Variants in E2F7 observed in about 807,000 individuals in gnomAD.
The protein encoded by E2F7 is transcription factor E2F7.
In E2F7, 35 loss-of-function variants were observed where a neutral mutation model predicts 81.1. The ratio of observed to expected loss-of-function variants is 0.43; its 90% CI spans 0.33 to 0.57. The LOEUF (loss-of-function observed/expected upper bound fraction) is 0.57, where lower values mean the gene tolerates loss of function less well. Among genes scored for constraint, E2F7 ranks in the 20% least tolerant of loss-of-function variants. The pLI is 0.04. For synonymous variants in E2F7, 416 were observed against 416.2 expected (o/e 1.00, Z 0.01); for missense variants, 961 against 1,093.7 (o/e 0.88, Z 1.71).
In E2F7 at chr12:77,035,030, T is replaced by A. The variant is rs1181798939; in HGVS notation, c.1124-988A>T. Among the ~76,000 whole-genome samples, 3 of 152,168 alleles carry A rather than the reference T, an allele frequency of 2.0e-5. No homozygotes were observed. In the East Asian group the frequency reaches 5.8e-4, roughly 29 times the overall value. On this transcript the variant is annotated intron_variant, in intron 7 of 12. Coordinates refer to ENST00000322886, the MANE Select transcript of E2F7 (RefSeq NM_203394.3). ...GAAACAAAATATTGGACATAATGCA[T>A]AAAACTGTGGCTCTCAACACATTTG...
chr12:77,033,216 T>C, intron 8 of E2F7, 94 bp from the exon 9 acceptor site: 1 of 1,174,590 alleles, frequency 8.5e-7, no homozygotes, highest in South Asian at 1.5e-5. Context: ...TTCATTATTC[T>C]CAGCTCAAAG....
rs1277176891 is a variant in E2F7, at chr12:77,023,780, A to G, written c.*235T>C. On this transcript the variant is annotated 3_prime_UTR_variant, in exon 13 of 13. Transcript: ENST00000322886. ...AGACGATTCTTGAATCAAAACCATA[A>G]GTCAGTCGGCGCTTTCACTGTGACA... 2.1e-6 allele frequency: 1 copy of G among 481,688 alleles called. No homozygotes were observed. The highest frequency in any genetic ancestry group is 3.6e-6 in the Non-Finnish European group (1 of 275,776). The allele number at this position is 481,688 out of a possible 1,614,324, so 29.8% of individuals were successfully genotyped here.
intron 7 of E2F7, among the ~76,000 whole-genome samples, chr12:77,038,116 GCAGA>G (rs747479100): frequency 1.3e-5 from 2 of 152,134 alleles, no homozygotes; most frequent in Non-Finnish European, 2.9e-5. Context: ...AAATATTTAT[GCAGA>G]CAGAGTTCAT....
At chr12:77,053,005 T>C (rs1271561804) in intron 3 of E2F7, among the ~76,000 whole-genome samples, 1 of 152,138 alleles carries the variant, frequency 6.6e-6, no homozygotes, top group Non-Finnish European at 1.5e-5. Context: ...AATTACTAAA[T>C]TTGACAATTT....
At chr12:77,030,639 C>G (rs183864766) in intron 9 of E2F7, among the ~76,000 whole-genome samples, 12 of 152,304 alleles carry the variant, frequency 7.9e-5, no homozygotes, top group Admixed American at 2.0e-4. Flanking sequence ...AGCACTTACA[C>G]CCTTGCCAGG....
chr12:77,046,451 G>A (rs1359972473), intron 4 of E2F7, 123 bp from the exon 5 acceptor site: 7 of 1,038,768 alleles, frequency 6.7e-6, no homozygotes, highest in East Asian at 5.2e-5. Flanking sequence ...TGCCCACTGC[G>A]TGGATGCTCA....
At chr12:77,053,061 G>A (rs546052473) in intron 3 of E2F7, among the ~76,000 whole-genome samples, 3 of 152,112 alleles carry the variant, frequency 2.0e-5, no homozygotes, top group Admixed American at 6.6e-5. Context: ...ATATATTTCT[G>A]GGGGGAGGCA....
In E2F7 at chr12:77,046,018, T is replaced by A; in HGVS notation, c.829+20A>T. On this transcript the variant is annotated intron_variant, in intron 5 of 12. Transcript: ENST00000322886. The stretch of plus-strand genomic sequence containing the variant: ...CTTGCTCTTTCTCTGCCATTACTCA[T>A]GAAGTTACAATGGACTCACAAGAGG... 6.2e-7 allele frequency: 1 copy of A among 1,605,512 alleles called. No homozygotes were observed. The highest frequency in any genetic ancestry group is 8.5e-7 in the Non-Finnish European group (1 of 1,175,292).
chr12:77,044,555 T>C, intron 6 of E2F7, 82 bp downstream of exon 6: 1 of 1,510,542 alleles, frequency 6.6e-7, no homozygotes, highest in Non-Finnish European at 9.0e-7. Context: ...ATATATATTT[T>C]TAATCTTGGA....
chr12:77,040,879 C>T (rs1253726841), intron 7 of E2F7, among the ~76,000 whole-genome samples: 1 of 152,068 alleles, frequency 6.6e-6, no homozygotes, highest in Non-Finnish European at 1.5e-5. Flanking sequence ...AAACACTATT[C>T]GTAATACACT....
intron 4 of E2F7, among the ~76,000 whole-genome samples, chr12:77,048,061 G>A (rs1954957720): frequency 6.6e-6 from 1 of 152,164 alleles, no homozygotes; most frequent in Non-Finnish European, 1.5e-5. Flanking sequence ...ATAAGTTTCT[G>A]ACCACCTGGA....
At chr12:77,045,976 T>C in intron 5 of E2F7, 62 bp downstream of exon 5, 1 of 1,563,624 alleles carries the variant, frequency 6.4e-7, no homozygotes, top group Middle Eastern at 1.7e-4. Flanking sequence ...GCAGTGAATC[T>C]GCAGAAGAGA....
intron 2 of E2F7, among the ~76,000 whole-genome samples, chr12:77,057,193 CCAGTGGTGTGCATACTA>C (rs1187744128): frequency 1.3e-5 from 2 of 152,062 alleles, no homozygotes; most frequent in African/African-American, 4.8e-5. Flanking sequence ...GCTGGGATTT[CCAGTGGTGTGCATACTA>C]CAGTGGTGTG....
Position 77,033,060 on chromosome 12 carries a change from C to T in E2F7, c.1372G>A (p.Asp458Asn). 1 of 1,613,264 alleles carries T rather than the reference C, an allele frequency of 6.2e-7. No individual in the cohort carries two copies. The highest frequency in any genetic ancestry group is 8.5e-7 in the Non-Finnish European group (1 of 1,179,700). The change falls in exon 9 of 13, where the codon GAC (aspartate) becomes AAC (asparagine). Residue 458 changes from aspartate to asparagine, a missense_variant. By Grantham distance (23) the Asp-to-Asn change is conservative. Around this residue, in one of 3 missense-constraint regions of E2F7, gnomAD observed 587 missense variants for 620.3 expected, o/e 0.95. Coordinates refer to ENST00000322886, the MANE Select transcript of E2F7 (RefSeq NM_203394.3). The stretch of plus-strand genomic sequence containing the variant: ...TTATAGACTACTTACTGTGAATTGT[C>T]TTCTATTTTCTGTCTATAGACAGCT... ...LAAVYRQKIE[D>N]NSQGKAFASK...
At chr12:77,053,937 A>G (rs533758048) in intron 3 of E2F7, among the ~76,000 whole-genome samples, 2 of 152,316 alleles carry the variant, frequency 1.3e-5, no homozygotes, top group South Asian at 2.1e-4. Context: ...ACTGCAAAGG[A>G]TAAGTGTATT....
intron 7 of E2F7, among the ~76,000 whole-genome samples, chr12:77,042,834 C>T (rs1954904472): frequency 6.6e-6 from 1 of 152,180 alleles, no homozygotes; most frequent in Non-Finnish European, 1.5e-5. Flanking sequence ...TTAGTAGTTA[C>T]AGAAACTCCC....
At position 77,051,975 on chromosome 12, in the gene E2F7, A is replaced by T. The variant is rs571633354; in HGVS notation, c.370-1231T>A. 3.5e-4 allele frequency among the ~76,000 whole-genome samples: 54 copies of T among 152,356 alleles called. No homozygotes were observed. The East Asian group carries it at 8.7e-3, about 24-fold the overall frequency. ...GAATTTAGCAAGGTAGTTGAATACAAGATAATATGTTTTTTAAAGTCTGCT... is the reference window on the plus strand; with the variant it reads ...GAATTTAGCAAGGTAGTTGAATACATGATAATATGTTTTTTAAAGTCTGCT... On this transcript the variant is annotated intron_variant, in intron 3 of 12. Coordinates refer to ENST00000322886, the MANE Select transcript of E2F7 (RefSeq NM_203394.3).
In E2F7 at chr12:77,046,264, C is replaced by G; in HGVS notation, c.603G>C (p.Arg201=). The G allele has an allele frequency of 6.2e-7, 1 of 1,614,148 alleles. No individual in the cohort carries two copies. ...GCCAGCCATACTGATTCTTAGCCAC[C>G]CGGCTGACCAGATGCAGCGACTCCA... The part of the protein sequence containing the change: ...NVLESLHLVS[R]VAKNQYGWHG... The change falls in exon 5 of 13, where the codon CGG becomes CGC. Residue 201 remains arginine, a synonymous_variant. Coordinates refer to ENST00000322886, the MANE Select transcript of E2F7 (RefSeq NM_203394.3).
chr12:77,030,033 A>G lies in E2F7; in HGVS notation c.1682T>C (p.Leu561Pro), dbSNP rs764795123. 2 of 1,614,208 alleles carry G rather than the reference A, an allele frequency of 1.2e-6. No homozygotes were observed. Among genetic ancestry groups the G allele is most frequent in the South Asian group, 2.2e-5 (2 of 91,082 alleles). The stretch of plus-strand genomic sequence containing the variant: ...TGACCCTGACGCTGGTCCCTCCTGC[A>G]GACTTCCATACAGCATGAACAGTGA... ...SASLFMLYGS[L>P]QEGPASGSGS... The change falls in exon 10 of 13, where the codon CTG (leucine) becomes CCG (proline). Residue 561 changes from leucine (L) to proline (P), a missense_variant. Physicochemically the swap from Leu to Pro is moderately conservative, Grantham distance 98 (BLOSUM62 -3). Transcript: ENST00000322886.
Sources: allele counts gnomAD v4.1 joint callset (sites outside exome capture counted in the v4.1 genomes callset), GRCh38; gene constraint gnomAD v4.1.1; regional missense constraint gnomAD v4.1.1; transcripts MANE v1.5; gene names NCBI Gene and HGNC (gene_info 2026-07-23, HGNC 2026-07-21).